Variants in ACYP2 observed in about 807,000 individuals in gnomAD.
ACYP2 encodes acylphosphatase-2.
A neutral mutation model predicts 11.2 loss-of-function variants in ACYP2; 12 were observed. The ratio of observed to expected loss-of-function variants is 1.08; its 90% confidence interval spans 0.69 to 1.74. The LOEUF (loss-of-function observed/expected upper bound fraction) is 1.74. Ranked by LOEUF, ACYP2 falls within the 40% of genes most tolerant of loss-of-function variation. The pLI, the probability that ACYP2 is intolerant of heterozygous loss-of-function variation, is 0.00. For missense variants in ACYP2, 134 were observed against 101.9 expected (o/e 1.31, Z -1.35); for synonymous variants, 43 against 32.2 (o/e 1.33, Z -1.13).
intron 2 of ACYP2, among the ~76,000 whole-genome samples, chr2:54,043,066 GTGT>G (rs1212574197): frequency 4.0e-5 from 6 of 150,570 alleles, no homozygotes; most frequent in African/African-American, 1.5e-4. Flanking sequence ...TATGGGGTGT[GTGT>G]GGGGTGTGTG....
At chr2:54,006,944 G>A (rs1673095205) in intron 2 of ACYP2, among the ~76,000 whole-genome samples, 1 of 151,756 alleles carries the variant, frequency 6.6e-6, no homozygotes. Context: ...GGCCAATATG[G>A]AGAAACCCCA....
chr2:54,186,204 G>A lies in ACYP2; in HGVS notation c.404+47456G>A, dbSNP rs74863097. ...ACTAAATGTCATTGAGTAATTGTTCGCTTTAAAATGTTGAATTTTATGTTA... is the reference window on the plus strand; with the variant it reads ...ACTAAATGTCATTGAGTAATTGTTCACTTTAAAATGTTGAATTTTATGTTA... On this transcript the variant is annotated intron_variant, in intron 6 of 6. Transcript: ENST00000607452. 8.8e-3 allele frequency among the ~76,000 whole-genome samples: 1,341 copies of A among 152,116 alleles called. 51 individuals carry two copies. Among genetic ancestry groups the A allele is most frequent in the East Asian group, 0.065 (338 of 5,168 alleles).
At chr2:54,120,446 C>G (rs1490804822) in intron 4 of ACYP2, among the ~76,000 whole-genome samples, 1 of 152,138 alleles carries the variant, frequency 6.6e-6, no homozygotes, top group Non-Finnish European at 1.5e-5. Context: ...TTTACCAGCT[C>G]TCAGGGGAAT....
intron 4 of ACYP2, among the ~76,000 whole-genome samples, chr2:54,129,427 C>G (rs1395022867): frequency 2.0e-5 from 3 of 152,064 alleles, no homozygotes; most frequent in Admixed American, 6.6e-5. Flanking sequence ...GTCACCACAC[C>G]TGGCTGACTT....
In ACYP2 at chr2:53,973,720, C is replaced by T. The variant is rs1202446665; in HGVS notation, c.-29C>T. ...TGCTGACTCCTTTTTCAGACTCAGC[C>T]TGCCTGCACCCAGGTGAAATAAACA... is the stretch of plus-strand genomic sequence containing the variant. On this transcript the variant is annotated 5_prime_UTR_variant, in exon 2 of 7. Coordinates refer to ENST00000607452, the MANE Select transcript of ACYP2 (RefSeq NM_001320586.2). 3.3e-6 allele frequency: 1 copy of T among 304,008 alleles called. No individual in the cohort carries two copies. Among genetic ancestry groups the T allele is most frequent in the Non-Finnish European group, 6.0e-6 (1 of 166,554 alleles). 18.8% of individuals were successfully genotyped at this position (304,008 alleles called of 1,614,324 possible). A position where few individuals can be genotyped will look rare whatever the true frequency, so the allele number is the denominator to read the frequency against.
intron 6 of ACYP2, among the ~76,000 whole-genome samples, chr2:54,296,326 C>CTAAA (rs1410517763): frequency 6.6e-6 from 1 of 152,132 alleles, no homozygotes; most frequent in Non-Finnish European, 1.5e-5. Flanking sequence ...TATTTGATGG[C>CTAAA]TAAATACATG....
At chr2:54,292,372 A>G (rs1558673135) in intron 6 of ACYP2, among the ~76,000 whole-genome samples, 1 of 152,216 alleles carries the variant, frequency 6.6e-6, no homozygotes, top group Non-Finnish European at 1.5e-5. Context: ...GGTATAAAAT[A>G]TACACCAGAT....
chr2:54,179,597 T>C (rs1276368378), intron 6 of ACYP2, among the ~76,000 whole-genome samples: 1 of 152,194 alleles, frequency 6.6e-6, no homozygotes, highest in East Asian at 1.9e-4. Context: ...CTCCCTTTTT[T>C]AGACCATATA....
intron 6 of ACYP2, among the ~76,000 whole-genome samples, chr2:54,178,699 G>A (rs536495598): frequency 6.6e-6 from 1 of 152,294 alleles, no homozygotes; most frequent in Admixed American, 6.5e-5. Flanking sequence ...AAAGCATTTA[G>A]TGGGAAGGAT....
At chr2:54,211,236 A>T (rs1439288108) in intron 6 of ACYP2, among the ~76,000 whole-genome samples, 1 of 152,226 alleles carries the variant, frequency 6.6e-6, no homozygotes, top group Non-Finnish European at 1.5e-5. Flanking sequence ...AGATTCATAA[A>T]TTTTTGTTTT....
intron 2 of ACYP2, chr2:54,030,446 C>G (rs562882475): frequency 2.5e-5 from 4 of 160,792 alleles, no homozygotes; most frequent in African/African-American, 9.6e-5. Context: ...ACTGATTTCC[C>G]TAGGTTTAAC....
intron 4 of ACYP2, among the ~76,000 whole-genome samples, chr2:54,103,470 C>T (rs1489913101): frequency 1.3e-5 from 2 of 152,032 alleles, no homozygotes. Context: ...TCCAGTTTGT[C>T]ATTTGCTTCC....
At chr2:54,039,212 T>C (rs1439019471) in intron 2 of ACYP2, among the ~76,000 whole-genome samples, 1 of 142,654 alleles carries the variant, frequency 7.0e-6, no homozygotes, top group East Asian at 2.1e-4. Flanking sequence ...AAAATATCTT[T>C]GGAAGTTTTT....
At chr2:54,161,415 G>A (rs565433925) in intron 6 of ACYP2, among the ~76,000 whole-genome samples, 87 of 152,280 alleles carry the variant, frequency 5.7e-4, no homozygotes, top group Non-Finnish European at 9.3e-4. Context: ...CCTATTGATG[G>A]GAAAACTCAG....
intron 2 of ACYP2, among the ~76,000 whole-genome samples, chr2:54,007,307 G>T (rs79133622): frequency 2.0e-4 from 29 of 145,816 alleles, no homozygotes; most frequent in African/African-American, 7.1e-4. Flanking sequence ...AGACTGGAGT[G>T]CAATGGCACA....
chr2:54,082,388 G>A (rs1012134581), intron 4 of ACYP2, among the ~76,000 whole-genome samples: 2 of 151,972 alleles, frequency 1.3e-5, no homozygotes, highest in African/African-American at 4.8e-5. Flanking sequence ...TGGGATTACA[G>A]GCGCATACTC....
chr2:54,158,185 C>A (rs116776727), intron 6 of ACYP2, among the ~76,000 whole-genome samples: 1 of 145,648 alleles, frequency 6.9e-6, no homozygotes, highest in African/African-American at 2.5e-5. Flanking sequence ...ACCACCACGC[C>A]CAGTTAACTT....
intron 3 of ACYP2, among the ~76,000 whole-genome samples, chr2:54,052,393 T>A (rs1348593664): frequency 2.0e-5 from 3 of 152,014 alleles, no homozygotes; most frequent in African/African-American, 7.3e-5. Context: ...CTGTACTTTG[T>A]CTGGTACAGT....
chr2:54,018,087 A>G (rs1007052863), intron 2 of ACYP2, among the ~76,000 whole-genome samples: 1 of 152,160 alleles, frequency 6.6e-6, no homozygotes, highest in Non-Finnish European at 1.5e-5. Flanking sequence ...TGGGGAGACG[A>G]TGGACCTGTG....
Sources: allele counts gnomAD v4.1 joint callset (sites outside exome capture counted in the v4.1 genomes callset), GRCh38; gene constraint gnomAD v4.1.1; transcripts MANE v1.5; gene names NCBI Gene and HGNC (gene_info 2026-07-23, HGNC 2026-07-21).